The following GIT2 variants were observed in gnomAD, a reference collection of about 807,000 sequenced individuals.
GIT2 encodes GIT ArfGAP 2.
Under a neutral mutation model 100.3 loss-of-function variants are expected in GIT2, and 32 were observed. The ratio of observed to expected loss-of-function variants is 0.32; its 90% CI spans 0.24 to 0.43. GIT2 has a LOEUF of 0.43. GIT2 is among the 20% of genes least tolerant of loss of function. The pLI is 1.00. For missense variants in GIT2, 737 were observed against 975.1 expected (o/e 0.76, Z 3.25); for synonymous variants, 353 against 364.1 (o/e 0.97, Z 0.35).
At chr12:109,945,947 C>A in intron 15 of GIT2, among the ~76,000 whole-genome samples, 1 of 151,916 alleles carries the variant, frequency 6.6e-6, no homozygotes, top group Non-Finnish European at 1.5e-5. Flanking sequence ...CCAGCCTGGG[C>A]AACATGATGA....
chr12:109,951,820 TA>T (rs1298645014), intron 13 of GIT2, among the ~76,000 whole-genome samples: 1 of 151,950 alleles, frequency 6.6e-6, no homozygotes, highest in Non-Finnish European at 1.5e-5. Flanking sequence ...CAGAGCAGGG[TA>T]GGGGGCTGCA....
intron 8 of GIT2, 122 bp from the exon 9 acceptor site, chr12:109,965,699 G>C: frequency 1.3e-6 from 1 of 790,632 alleles, no homozygotes; most frequent in Non-Finnish European, 2.3e-6. Context: ...TTAGAACCAA[G>C]CATTCTACAG....
intron 16 of GIT2, 138 bp downstream of exon 16, chr12:109,945,122 T>G: frequency 3.8e-5 from 24 of 623,838 alleles, no homozygotes; most frequent in East Asian, 5.6e-5. Context: ...TGATGCACTG[T>G]GAGAAACCAG....
Position 109,965,602 on chromosome 12 carries a change from A to T in GIT2, c.765-25T>A, listed in dbSNP as rs1348584867. 9 of 1,497,272 alleles carry T rather than the reference A, an allele frequency of 6.0e-6. No individual in the cohort carries two copies. The African/African-American group carries it at 1.2e-4, about 21-fold the overall frequency. The allele number at this position is 1,497,272 out of a possible 1,614,324, so 92.7% of individuals were successfully genotyped here. On this transcript the variant is annotated intron_variant, in intron 8 of 19. Coordinates refer to ENST00000355312, the MANE Select transcript of GIT2 (RefSeq NM_057169.5). ...GCTAAGAAAACATACAAAGCTAATA[A>T]GCAAATAAATAAAGCCAGACTTGTG...
At chr12:109,981,278 T>C (rs1266364952) in intron 6 of GIT2, 3 of 418,940 alleles carry the variant, frequency 7.2e-6, no homozygotes, top group Non-Finnish European at 1.3e-5. Flanking sequence ...AAATAGAATA[T>C]TTAATAAGAA....
chr12:109,968,260 A>C (rs768923400), intron 7 of GIT2, among the ~76,000 whole-genome samples: 1 of 152,042 alleles, frequency 6.6e-6, no homozygotes, highest in Non-Finnish European at 1.5e-5. Context: ...TGTTTTTAAA[A>C]GTTTAATCAT....
chr12:109,967,777 G>A (rs974968516), intron 7 of GIT2, among the ~76,000 whole-genome samples: 7 of 152,278 alleles, frequency 4.6e-5, no homozygotes, highest in East Asian at 1.9e-4. Flanking sequence ...TGTAACTGAC[G>A]ATCTTTGGCC....
chr12:109,938,977 C>T (rs1228432927), intron 17 of GIT2, 188 bp downstream of exon 17: 2 of 571,940 alleles, frequency 3.5e-6, no homozygotes, highest in East Asian at 5.9e-5. Context: ...AAGAAAAAGG[C>T]CTTTCGGCAA....
chr12:109,938,879 A>C (rs1873797457), intron 17 of GIT2: 1 of 489,228 alleles, frequency 2.0e-6, no homozygotes, highest in South Asian at 2.9e-5. Context: ...CAAATGCAGA[A>C]TGTAACCTAA....
intron 9 of GIT2, among the ~76,000 whole-genome samples, chr12:109,963,330 CTT>C (rs917423349): frequency 2.6e-5 from 4 of 152,216 alleles, no homozygotes; most frequent in African/African-American, 9.6e-5. Flanking sequence ...GGGAGCTTGA[CTT>C]TGCTTCATAA....
At chr12:109,964,511 T>C (rs957442625) in intron 9 of GIT2, among the ~76,000 whole-genome samples, 2 of 151,982 alleles carry the variant, frequency 1.3e-5, no homozygotes, top group Admixed American at 6.6e-5. Flanking sequence ...TTTCAGGTCC[T>C]TGAATCAGAG....
intron 18 of GIT2, among the ~76,000 whole-genome samples, chr12:109,935,301 G>GA (rs1872672361): frequency 6.6e-6 from 1 of 152,104 alleles, no homozygotes; most frequent in South Asian, 2.1e-4. Context: ...TTCAGAAAGA[G>GA]AAAAAAGCAA....
rs760581113 is a variant in GIT2, at chr12:109,948,856, G to A, written c.1393-1352C>T. ...CATCTTTTCCAAGCAACTGTTAAAT[G>A]TGAAAGATCAGATACAAATCATGCT... is the stretch of plus-strand genomic sequence containing the variant. On this transcript the variant is annotated intron_variant, in intron 14 of 19. Coordinates refer to ENST00000355312, the MANE Select transcript of GIT2 (RefSeq NM_057169.5). This position sits in a 1 kb window ranked among gnomAD's most constrained non-coding sequence, Gnocchi z 4.3. 12 of 1,575,208 alleles carry A rather than the reference G, an allele frequency of 7.6e-6. No homozygotes were observed. The African/African-American group carries it at 8.1e-5, about 11-fold the overall frequency.
chr12:109,988,138 A>G (rs1449252004), intron 4 of GIT2, among the ~76,000 whole-genome samples: 1 of 152,200 alleles, frequency 6.6e-6, no homozygotes, highest in Non-Finnish European at 1.5e-5. Flanking sequence ...AACAAACAAA[A>G]AACTTATCAA....
At chr12:109,961,486 G>A (rs887335397) in intron 10 of GIT2, 111 bp from the exon 11 acceptor site, 20 of 932,548 alleles carry the variant, frequency 2.1e-5, no homozygotes, top group Admixed American at 5.2e-5. Context: ...GCCAACACAC[G>A]CAAAGGCAAA....
At chr12:109,997,248 G>A (rs1465979328), upstream of GIT2, among the ~76,000 whole-genome samples, 2 of 150,346 alleles carry the variant, frequency 1.3e-5, no homozygotes, top group Non-Finnish European at 3.0e-5. Context: ...GCGTGGTGGC[G>A]CATGCCTGTA....
intron 13 of GIT2, chr12:109,952,606 C>A: frequency 3.8e-6 from 2 of 519,494 alleles, no homozygotes; most frequent in African/African-American, 1.9e-5. Context: ...TTCTTTCTGA[C>A]TCCTCCACAT....
At chr12:109,989,136 T>C in intron 3 of GIT2, 68 bp from the exon 4 acceptor site, 1 of 973,448 alleles carries the variant, frequency 1.0e-6, no homozygotes, top group Non-Finnish European at 1.7e-6. Context: ...CTTTGTACTG[T>C]AAAAAGAAGA....
intron 2 of GIT2, among the ~76,000 whole-genome samples, chr12:109,991,201 T>C (rs1888301483): frequency 6.6e-6 from 1 of 151,900 alleles, no homozygotes; most frequent in Non-Finnish European, 1.5e-5. Flanking sequence ...TCCCAGCTAC[T>C]TGGGAGGCTG....
Sources: gnomAD v4.1 joint callset for allele counts (sites outside exome capture counted in the v4.1 genomes callset) on GRCh38, gnomAD v4.1.1 for gene constraint, Gnocchi (gnomAD v3.1) non-coding constraint, MANE v1.5 for transcripts, NCBI Gene and HGNC (gene_info 2026-07-23, HGNC 2026-07-21) for gene names.